XRN1: variants seen among roughly 807,000 people sequenced by gnomAD.
The protein encoded by XRN1 is strand-exchange protein 1 homolog.
A neutral mutation model predicts 222.3 loss-of-function variants in XRN1; 67 were observed. The observed-to-expected ratio is 0.30, with a 90% CI of 0.25 to 0.37. XRN1 has a LOEUF of 0.37. Among genes scored for constraint, XRN1 ranks in the 10% least tolerant of loss-of-function variants. The pLI is 1.00. For synonymous variants in XRN1, 643 were observed against 652.4 expected, an observed-to-expected ratio of 0.99 and a Z score of 0.22; for missense variants, 1,707 against 2,000.2, an observed-to-expected ratio of 0.85 and a Z score of 2.80.
chr3:142,368,217 C>T (rs760989275), intron 27 of XRN1, among the ~76,000 whole-genome samples: 50 of 152,050 alleles, frequency 3.3e-4, no homozygotes, highest in Non-Finnish European at 5.6e-4. Flanking sequence ...GGCACAGTCT[C>T]GGCTCACTGC....
chr3:142,357,784 C>T lies in XRN1; in HGVS notation c.3465-665G>A, dbSNP rs186862176. Among the ~76,000 whole-genome samples, 284 of 152,104 alleles carry T rather than the reference C, an allele frequency of 1.9e-3. 4 individuals carry two copies. The highest frequency in any genetic ancestry group is 7.9e-4 in the Non-Finnish European group (54 of 68,006). On this transcript the variant is annotated intron_variant, in intron 30 of 40. Transcript: ENST00000392981. ...GGTGGTTCATGCCTGTAATCCCAGCCACAGCACTTGGGAGGCCGAGGCAGG... is the reference window on the plus strand; with the variant it reads ...GGTGGTTCATGCCTGTAATCCCAGCTACAGCACTTGGGAGGCCGAGGCAGG...
chr3:142,313,436 A>T (rs1043341476), intron 39 of XRN1, among the ~76,000 whole-genome samples: 1 of 152,184 alleles, frequency 6.6e-6, no homozygotes, highest in African/African-American at 2.4e-5. Context: ...GTTTGTATTA[A>T]GCTCCATAGG....
intron 19 of XRN1, 96 bp from the exon 20 acceptor site, chr3:142,397,556 A>G (rs776366455): frequency 4.8e-6 from 5 of 1,035,282 alleles, no homozygotes; most frequent in South Asian, 6.6e-5. Flanking sequence ...TTTTTTTCAC[A>G]TGGTATACTA....
intron 2 of XRN1, among the ~76,000 whole-genome samples, chr3:142,428,718 T>C (rs2069373927): frequency 6.6e-6 from 1 of 152,156 alleles, no homozygotes; most frequent in East Asian, 1.9e-4. Context: ...TGCCATTCAT[T>C]GAAATAGGAA....
At position 142,418,801 on chromosome 3, in the gene XRN1, T is replaced by C. The variant is rs569995333; in HGVS notation, c.1240+14A>G. 4.3e-6 allele frequency: 7 copies of C among 1,612,608 alleles called. No individual in the cohort carries two copies. The South Asian group carries it at 4.4e-5, about 10-fold the overall frequency. On this transcript the variant is annotated intron_variant, in intron 11 of 40. Coordinates refer to ENST00000392981, the MANE Select transcript of XRN1 (RefSeq NM_001282857.2). ...CAAAGTAGTAACATATCAAAACACA[T>C]ACTTCATACTTACCCTTAGAAGTTA... is the stretch of plus-strand genomic sequence containing the variant.
intron 34 of XRN1, among the ~76,000 whole-genome samples, chr3:142,334,187 T>C (rs1244732434): frequency 6.6e-6 from 1 of 152,174 alleles, no homozygotes; most frequent in East Asian, 1.9e-4. Flanking sequence ...GAACAAAAAG[T>C]TTATCAATCC....
rs1303848619 is a variant in XRN1 at position 142,310,432 on chromosome 3, G to A, written c.*1079C>T. ...TGAACCACACATTCACATATGACAT[G>A]CAAAGAGAGAATCCCAGCATCATTG... On this transcript the variant is annotated 3_prime_UTR_variant, in exon 41 of 41. Coordinates refer to ENST00000392981, the MANE Select transcript of XRN1 (RefSeq NM_001282857.2). 6.6e-6 allele frequency: 1 copy of A among 152,408 alleles called. No homozygotes were observed. The highest frequency in any genetic ancestry group is 1.9e-4 in the East Asian group (1 of 5,194). 9.4% of individuals were successfully genotyped at this position (152,408 alleles called of 1,614,324 possible).
At chr3:142,356,845 AC>A in intron 31 of XRN1, 66 bp downstream of exon 31, 1 of 1,516,258 alleles carries the variant, frequency 6.6e-7, no homozygotes, top group Non-Finnish European at 9.0e-7. Flanking sequence ...GTTTACATTT[AC>A]AAAGTCTGCT....
In XRN1 at chr3:142,432,749, T is replaced by C. The variant is rs778641033; in HGVS notation, c.220A>G (p.Ile74Val). Residue 74 changes from isoleucine (I) to valine (V), a missense_variant, in exon 2 of 41, where the codon ATT (isoleucine) becomes GTT (valine). Coordinates refer to ENST00000392981, the MANE Select transcript of XRN1 (RefSeq NM_001282857.2). Reference protein sequence around the residue: ...IFHYLEVLFRIIKPRKVFFMA... With the variant: ...IFHYLEVLFRVIKPRKVFFMA... ...AAGAACACTTTCCTGGGTTTAATAA[T>C]GCGAAACAACACCTCCAGGTAGTGA... 6.2e-7 allele frequency: 1 copy of C among 1,613,786 alleles called. No homozygotes were observed. The highest frequency in any genetic ancestry group is 1.1e-5 in the South Asian group (1 of 90,974).
Position 142,309,782 on chromosome 3 carries a change from T to C in XRN1, c.*1729A>G, listed in dbSNP as rs183056634. The C allele has an allele frequency of 7.2e-5, 11 of 152,360 alleles. No homozygotes were observed. In the East Asian group the frequency reaches 1.9e-3, roughly 27 times the overall value. The allele number at this position is 152,360 out of a possible 1,614,324, so 9.4% of individuals were successfully genotyped here. A position where few individuals can be genotyped will look rare whatever the true frequency, so the allele number is the denominator to read the frequency against. On this transcript the variant is annotated 3_prime_UTR_variant, in exon 41 of 41. Transcript: ENST00000392981. ...ACAGCTGAGGTGAAACATTTCACAC[T>C]TTAAAGTAGGAAGAGGTTAATATAA... is the stretch of plus-strand genomic sequence containing the variant.
chr3:142,332,749 T>C, intron 35 of XRN1: 1 of 751,188 alleles, frequency 1.3e-6, no homozygotes, highest in Non-Finnish European at 2.0e-6. Flanking sequence ...TCATCCCAGT[T>C]ACCTAGTAGC....
chr3:142,385,788 G>A (rs898643817), intron 20 of XRN1, among the ~76,000 whole-genome samples: 3 of 151,488 alleles, frequency 2.0e-5, no homozygotes, highest in Admixed American at 1.3e-4. Flanking sequence ...TCATCTCTTT[G>A]TGCTTTTGTA....
rs2065109382 is a variant in XRN1 at position 142,312,692 on chromosome 3, G to C, written c.4688C>G (p.Pro1563Arg). 6.2e-7 allele frequency: 1 copy of C among 1,613,910 alleles called. No homozygotes were observed. Among genetic ancestry groups the C allele is most frequent in the Non-Finnish European group, 8.5e-7 (1 of 1,179,818 alleles). Residue 1563 changes from proline (P) to arginine (R), a missense_variant, in exon 40 of 41, where the codon CCT becomes CGT. Coordinates refer to ENST00000392981, the MANE Select transcript of XRN1 (RefSeq NM_001282857.2). The part of the protein sequence containing the change: ...SMPWGPSVPV[P>R]GKPFHHTLYS... ...TAAAGTATGATGGAAGGGCTTCCCA[G>C]GAACTGGCACCGATGGTCCCCATGG...
intron 37 of XRN1, among the ~76,000 whole-genome samples, chr3:142,324,005 T>C (rs967549242): frequency 8.5e-5 from 13 of 152,206 alleles, no homozygotes; most frequent in African/African-American, 3.1e-4. Flanking sequence ...CTCAAGTATT[T>C]ATCATTTTTG....
chr3:142,432,525 T>G, intron 2 of XRN1, 136 bp downstream of exon 2: 3 of 805,192 alleles, frequency 3.7e-6, no homozygotes, highest in Non-Finnish European at 5.7e-6. Context: ...AATATGACAC[T>G]GAGATATTTC....
chr3:142,312,746 G>C lies in XRN1; in HGVS notation c.4634C>G (p.Pro1545Arg), dbSNP rs1216777854. The C allele has an allele frequency of 6.2e-7, 1 of 1,608,548 alleles. No individual in the cohort carries two copies. Among genetic ancestry groups the C allele is most frequent in the Non-Finnish European group, 8.5e-7 (1 of 1,177,542 alleles). The change falls in exon 40 of 41, where the codon CCT becomes CGT. Residue 1545 changes from proline (P) to arginine (R), a missense_variant. This residue lies in a region of XRN1 where 473 missense variants were observed against 482.0 expected (regional missense o/e 0.98). Coordinates refer to ENST00000392981, the MANE Select transcript of XRN1 (RefSeq NM_001282857.2). ...AFPPPTANIM[P>R]SSSHLFGSMP... ...TGAGCCAAAGAGATGAGACGACGAA[G>C]GCATTATATTAGCTGTTAAAAACCA...
At chr3:142,333,640 C>T (rs1354082222) in intron 34 of XRN1, among the ~76,000 whole-genome samples, 3 of 152,140 alleles carry the variant, frequency 2.0e-5, no homozygotes, top group Non-Finnish European at 4.4e-5. Context: ...ATCCTAACTC[C>T]TAATGGGATC....
intron 31 of XRN1, among the ~76,000 whole-genome samples, chr3:142,355,845 T>G (rs901236727): frequency 2.0e-5 from 3 of 152,062 alleles, no homozygotes; most frequent in Non-Finnish European, 4.4e-5. Context: ...GTTGAACTAC[T>G]GCCTCAAGCA....
chr3:142,382,281 T>C (rs1451706233), intron 22 of XRN1, among the ~76,000 whole-genome samples: 1 of 152,130 alleles, frequency 6.6e-6, no homozygotes, highest in Admixed American at 6.5e-5. Flanking sequence ...CATGATTCAA[T>C]CTTTATCATA....
Sources: gnomAD v4.1 joint callset for allele counts (sites outside exome capture counted in the v4.1 genomes callset) on GRCh38, gnomAD v4.1.1 for gene constraint, gnomAD v4.1.1 regional missense constraint, MANE v1.5 for transcripts, NCBI Gene and HGNC (gene_info 2026-07-23, HGNC 2026-07-21) for gene names.